ANO10: variants seen among roughly 807,000 people sequenced by gnomAD.
ANO10 encodes the protein anoctamin 10.
In ANO10, 77 loss-of-function variants were observed where a neutral mutation model predicts 74.7. The observed-to-expected ratio is 1.03, with a 90% confidence interval of 0.86 to 1.25. The LOEUF (loss-of-function observed/expected upper bound fraction) is 1.25, where lower values mean the gene tolerates loss of function less well. Among genes scored for constraint, ANO10 ranks in the 50% most tolerant of loss-of-function variants. The pLI is 0.00. For missense variants in ANO10, 721 were observed against 778.1 expected, an observed-to-expected ratio of 0.93 and a Z score of 0.87; for synonymous variants, 279 against 284.9, an observed-to-expected ratio of 0.98 and a Z score of 0.21.
chr3:43,624,596 C>A (rs1202689379), upstream of ANO10, among the ~76,000 whole-genome samples: 1 of 152,186 alleles, frequency 6.6e-6, no homozygotes, highest in African/African-American at 2.4e-5. Flanking sequence ...TTCCTGAGGC[C>A]TTCCCAGAAG....
At chr3:43,392,154 T>C (rs2092288724) in intron 12 of ANO10, among the ~76,000 whole-genome samples, 1 of 150,176 alleles carries the variant, frequency 6.7e-6, no homozygotes, top group Admixed American at 6.7e-5. Context: ...ACTGAATCTT[T>C]CTCACTGACT....
intron 11 of ANO10, among the ~76,000 whole-genome samples, chr3:43,448,928 G>A (rs1243297229): frequency 1.4e-5 from 2 of 147,524 alleles, no homozygotes; most frequent in Non-Finnish European, 3.0e-5. Flanking sequence ...CTGGAGCGCA[G>A]TGGTGCGATC....
intron 11 of ANO10, among the ~76,000 whole-genome samples, chr3:43,486,508 G>A (rs1442894876): frequency 6.7e-6 from 1 of 150,162 alleles, no homozygotes. Context: ...AGTTCTCCTT[G>A]AAGAAGTCCT....
chr3:43,605,802 A>G lies in ANO10; in HGVS notation c.51T>C (p.Pro17=). The part of the protein sequence containing the change: ...ALDTSESSFT[P]LVVIELAQDV... ...CCTGAGCAAGTTCTATGACCACCAAAGGTGTGAAAGAACTCTCAGAAGTAT... is the reference window on the plus strand; with the variant it reads ...CCTGAGCAAGTTCTATGACCACCAAGGGTGTGAAAGAACTCTCAGAAGTAT... Residue 17 remains proline, a synonymous_variant, in exon 2 of 13, where the codon CCT becomes CCC. Coordinates refer to ENST00000292246, the MANE Select transcript of ANO10 (RefSeq NM_018075.5). 1 of 1,613,774 alleles carries G rather than the reference A, an allele frequency of 6.2e-7. No homozygotes were observed. The highest frequency in any genetic ancestry group is 8.5e-7 in the Non-Finnish European group (1 of 1,179,762).
chr3:43,420,082 C>T (rs539442612), intron 12 of ANO10, among the ~76,000 whole-genome samples: 9 of 152,220 alleles, frequency 5.9e-5, no homozygotes, highest in African/African-American at 2.2e-4. Context: ...TATTTCAGCC[C>T]AGTTTCTCTA....
chr3:43,437,794 C>T (rs753338858), intron 11 of ANO10, among the ~76,000 whole-genome samples: 9 of 151,408 alleles, frequency 5.9e-5, no homozygotes, highest in Non-Finnish European at 1.3e-4. Context: ...TTGTATAAAG[C>T]TAGTCTGTAA....
chr3:43,452,412 T>C (rs2074918408), intron 11 of ANO10, among the ~76,000 whole-genome samples: 1 of 152,238 alleles, frequency 6.6e-6, no homozygotes, highest in Admixed American at 6.5e-5. Context: ...AAATTCCACA[T>C]AAATGGAATC....
At chr3:43,639,458 T>C (rs1461968638) in intron 1 of ANO10, among the ~76,000 whole-genome samples, 2 of 152,084 alleles carry the variant, frequency 1.3e-5, no homozygotes, top group East Asian at 1.9e-4. Flanking sequence ...AAGAATCAAT[T>C]TGTGATGAAA....
chr3:43,548,920 T>C lies in ANO10; in HGVS notation c.1797+800A>G, dbSNP rs184697219. Among the ~76,000 whole-genome samples the C allele has an allele frequency of 1.8e-3, 278 of 152,304 alleles. 1 individual carries two copies. The highest frequency in any genetic ancestry group is 3.5e-3 in the Non-Finnish European group (235 of 68,008). The stretch of plus-strand genomic sequence containing the variant: ...TGCTTGGGCTTTGCATGTGAAATTA[T>C]CTATCGTCCTACAAATTACATTTTG... On this transcript the variant is annotated intron_variant, in intron 11 of 12. Transcript: ENST00000292246.
chr3:43,667,257 A>G (rs1374739336), intron 1 of ANO10, among the ~76,000 whole-genome samples: 1 of 151,484 alleles, frequency 6.6e-6, no homozygotes, highest in African/African-American at 2.4e-5. Flanking sequence ...TGCCCAGCTA[A>G]TTTTTGCATT....
chr3:43,509,275 A>C (rs1042466985), intron 11 of ANO10, among the ~76,000 whole-genome samples: 2 of 151,914 alleles, frequency 1.3e-5, no homozygotes, highest in African/African-American at 4.8e-5. Context: ...GTAAATAATG[A>C]GTTAACGGGT....
intron 11 of ANO10, among the ~76,000 whole-genome samples, chr3:43,524,070 T>C (rs1173689245): frequency 1.3e-5 from 2 of 152,066 alleles, no homozygotes; most frequent in East Asian, 1.9e-4. Context: ...GGGGCTACAG[T>C]GGAAGCCACG....
intron 12 of ANO10, among the ~76,000 whole-genome samples, chr3:43,428,711 TTTCTTC>T (rs767372835): frequency 6.6e-6 from 1 of 151,292 alleles, no homozygotes; most frequent in African/African-American, 2.4e-5. Flanking sequence ...ATTTTAGATT[TTTCTTC>T]TTCTTTTTAA....
chr3:43,606,562 A>G (rs1322186966), intron 1 of ANO10, among the ~76,000 whole-genome samples: 3 of 152,086 alleles, frequency 2.0e-5, no homozygotes, highest in African/African-American at 7.2e-5. Flanking sequence ...AAAAGCTGAT[A>G]CTGGTCTGAA....
intron 4 of ANO10, among the ~76,000 whole-genome samples, chr3:43,586,989 T>C (rs2081509219): frequency 6.6e-6 from 1 of 152,112 alleles, no homozygotes; most frequent in Non-Finnish European, 1.5e-5. Context: ...TTGGCACCCC[T>C]CAAGATGAGA....
intron 11 of ANO10, among the ~76,000 whole-genome samples, chr3:43,502,811 T>C (rs1044920603): frequency 6.6e-6 from 1 of 152,134 alleles, no homozygotes; most frequent in Admixed American, 6.5e-5. Context: ...GAGGACATTA[T>C]GGGAAATAGG....
chr3:43,592,220 G>A (rs1053350307), intron 4 of ANO10, among the ~76,000 whole-genome samples: 12 of 152,198 alleles, frequency 7.9e-5, no homozygotes, highest in Non-Finnish European at 1.6e-4. Flanking sequence ...AGACTTAAAC[G>A]TCCCTGTCTG....
At chr3:43,616,115 T>A (rs1229871038) in intron 1 of ANO10, among the ~76,000 whole-genome samples, 1 of 152,162 alleles carries the variant, frequency 6.6e-6, no homozygotes, top group African/African-American at 2.4e-5. Flanking sequence ...GATCCGTACA[T>A]AAGCATATCA....
At chr3:43,687,727 G>A (rs567551862) in intron 1 of ANO10, among the ~76,000 whole-genome samples, 1 of 152,242 alleles carries the variant, frequency 6.6e-6, no homozygotes, top group East Asian at 1.9e-4. Flanking sequence ...TGGAGGTAGG[G>A]GACCAAGCTG....
Sources: allele counts gnomAD v4.1 joint callset (sites outside exome capture counted in the v4.1 genomes callset), GRCh38; gene constraint gnomAD v4.1.1; transcripts MANE v1.5; gene names NCBI Gene and HGNC (gene_info 2026-07-23, HGNC 2026-07-21).